Variants in COL19A1 observed in about 807,000 individuals in gnomAD.
The protein encoded by COL19A1 is collagen type XIX alpha 1 chain, also known as collagen alpha-1(XIX) chain.
COL19A1 carries 159 observed loss-of-function variants against 190.2 expected under a neutral mutation model. That is an observed-to-expected ratio of 0.84 (90% confidence interval 0.73 to 0.95). The LOEUF is 0.95. Among genes scored for constraint, COL19A1 ranks in the 40% least tolerant of loss-of-function variants. COL19A1 has a pLI of 0.00. For synonymous variants in COL19A1, 509 were observed against 458.9 expected (o/e 1.11, Z -1.39); for missense variants, 1,418 against 1,431.9 (o/e 0.99, Z 0.16).
chr6:69,997,958 C>G (rs1449682354), intron 11 of COL19A1, among the ~76,000 whole-genome samples: 1 of 151,834 alleles, frequency 6.6e-6, no homozygotes, highest in Non-Finnish European at 1.5e-5. Context: ...CCAAAAAAAA[C>G]AGTAAATTTT....
At chr6:69,868,599 A>C (rs1767628815) in intron 1 of COL19A1, among the ~76,000 whole-genome samples, 1 of 152,212 alleles carries the variant, frequency 6.6e-6, no homozygotes, top group South Asian at 2.1e-4. Flanking sequence ...GTATGGCAAA[A>C]GAGCAGGAAA....
chr6:70,168,309 A>G lies in COL19A1; in HGVS notation c.2541+94A>G, dbSNP rs1428186679. On this transcript the variant is annotated intron_variant, in intron 39 of 50. Coordinates refer to ENST00000620364, the MANE Select transcript of COL19A1 (RefSeq NM_001858.6). Reference sequence around the variant, plus strand: ...ACCTCTTAAGTTCACTGAAAAACGCATGTTATGAATACAGCCAAATTTTAC... The same window carrying G: ...ACCTCTTAAGTTCACTGAAAAACGCGTGTTATGAATACAGCCAAATTTTAC... 5 of 1,329,204 alleles carry G rather than the reference A, an allele frequency of 3.8e-6. No individual in the cohort carries two copies. The South Asian group carries it at 6.6e-5, about 18-fold the overall frequency. The allele number at this position is 1,329,204 out of a possible 1,614,324, so 82.3% of individuals were successfully genotyped here. A position where few individuals can be genotyped will look rare whatever the true frequency, so the allele number is the denominator to read the frequency against.
rs1554189049 is a variant in COL19A1, at chr6:70,016,361, T to TATA, written c.1027-7261_1027-7259dup. 1.0e-4 allele frequency among the ~76,000 whole-genome samples: 6 copies of TATA among 57,402 alleles called. No homozygotes were observed. In the Admixed American group the frequency reaches 1.1e-3, roughly 11 times the overall value. 37.7% of individuals were successfully genotyped at this position (57,402 alleles called of 152,430 possible). A position where few individuals can be genotyped will look rare whatever the true frequency, so the allele number is the denominator to read the frequency against. On this transcript the variant is annotated intron_variant, in intron 11 of 50. Transcript: ENST00000620364. ...TGCACATGTACCCTAAAACTTAGAGTATAATAAAAAAAAAAAAAAAAAACA... is the reference window on the plus strand; with the variant it reads ...TGCACATGTACCCTAAAACTTAGAGTATAATAATAAAAAAAAAAAAAAAAAACA...
intron 14 of COL19A1, among the ~76,000 whole-genome samples, chr6:70,063,776 A>G (rs1780996074): frequency 6.6e-6 from 1 of 152,194 alleles, no homozygotes; most frequent in Non-Finnish European, 1.5e-5. Context: ...TAGATGCAAT[A>G]AAAAATGATA....
intron 11 of COL19A1, among the ~76,000 whole-genome samples, chr6:69,990,310 C>T (rs1028984108): frequency 6.6e-6 from 1 of 152,044 alleles, no homozygotes; most frequent in Admixed American, 6.6e-5. Context: ...AATGATAAGG[C>T]TTTTGTTTTT....
At position 69,892,526 on chromosome 6, in the gene COL19A1, A is replaced by G. The variant is rs1430672503; in HGVS notation, c.92-6422A>G. Among the ~76,000 whole-genome samples, 15 of 152,222 alleles carry G rather than the reference A, an allele frequency of 9.9e-5. 1 individual carries two copies. Among genetic ancestry groups the G allele is most frequent in the Admixed American group, 9.2e-4 (14 of 15,284 alleles). ...CCTGATTATTTGCAAAAATACAGCA[A>G]GTATAATTATTTTTACATAGGTTTT... On this transcript the variant is annotated intron_variant, in intron 2 of 50. Coordinates refer to ENST00000620364, the MANE Select transcript of COL19A1 (RefSeq NM_001858.6).
intron 41 of COL19A1, 37 bp from the exon 42 acceptor site, chr6:70,176,483 A>T: frequency 6.2e-7 from 1 of 1,602,606 alleles, no homozygotes; most frequent in Non-Finnish European, 8.5e-7. Flanking sequence ...GACTTCATTG[A>T]TGTCATTAAA....
At chr6:69,957,592 A>C (rs1461743764) in intron 9 of COL19A1, among the ~76,000 whole-genome samples, 2 of 152,160 alleles carry the variant, frequency 1.3e-5, no homozygotes, top group African/African-American at 4.8e-5. Flanking sequence ...TTTGAAAGTT[A>C]TGGTTTCTAT....
At chr6:70,052,806 A>G (rs1208869231) in intron 14 of COL19A1, among the ~76,000 whole-genome samples, 1 of 152,222 alleles carries the variant, frequency 6.6e-6, no homozygotes, top group African/African-American at 2.4e-5. Context: ...AGTAGAATAT[A>G]TTAGAAGTAG....
intron 14 of COL19A1, among the ~76,000 whole-genome samples, chr6:70,059,603 G>T (rs1780702239): frequency 6.6e-6 from 1 of 152,142 alleles, no homozygotes; most frequent in South Asian, 2.1e-4. Context: ...ACTTAAAATG[G>T]TTAGCTGGCT....
At chr6:70,181,741 G>C (rs1349862704) in intron 44 of COL19A1, among the ~76,000 whole-genome samples, 2 of 151,706 alleles carry the variant, frequency 1.3e-5, no homozygotes, top group Non-Finnish European at 2.9e-5. Context: ...TTCAAATAGT[G>C]GGCTCAGAGA....
intron 4 of COL19A1, among the ~76,000 whole-genome samples, chr6:69,926,008 A>G (rs951340573): frequency 1.3e-5 from 2 of 152,100 alleles, no homozygotes; most frequent in African/African-American, 2.4e-5. Flanking sequence ...GGGTTTTCTA[A>G]ATATACAATC....
intron 14 of COL19A1, among the ~76,000 whole-genome samples, chr6:70,054,792 AT>A (rs1382872354): frequency 6.6e-6 from 1 of 152,202 alleles, no homozygotes; most frequent in East Asian, 1.9e-4. Context: ...TATCAGATGG[AT>A]CAAGATTTTA....
chr6:70,109,621 C>G (rs1284137326), intron 16 of COL19A1, among the ~76,000 whole-genome samples: 1 of 150,650 alleles, frequency 6.6e-6, no homozygotes, highest in Non-Finnish European at 1.5e-5. Flanking sequence ...GATGAAATTA[C>G]TGTTCCTACT....
chr6:70,103,727 T>C (rs1043560505), intron 16 of COL19A1, among the ~76,000 whole-genome samples: 1 of 152,214 alleles, frequency 6.6e-6, no homozygotes, highest in African/African-American at 2.4e-5. Flanking sequence ...CTCTCAGCAT[T>C]TGAGGTTTCC....
intron 9 of COL19A1, among the ~76,000 whole-genome samples, chr6:69,944,849 G>A (rs982398528): frequency 7.9e-5 from 12 of 151,770 alleles, no homozygotes; most frequent in African/African-American, 2.7e-4. Flanking sequence ...CTAATCAAGC[G>A]ATTTTAACCA....
intron 2 of COL19A1, among the ~76,000 whole-genome samples, chr6:69,889,652 C>T (rs2487440): frequency 0.47 from 71,837 of 151,920 alleles, 17,302 homozygotes; most frequent in Middle Eastern, 0.59. Flanking sequence ...CACCAATCAG[C>T]GCTCTGTGTC....
At chr6:70,150,700 C>T (rs1787000614) in intron 30 of COL19A1, among the ~76,000 whole-genome samples, 2 of 152,128 alleles carry the variant, frequency 1.3e-5, no homozygotes, top group African/African-American at 4.8e-5. Flanking sequence ...CTCACAAATC[C>T]TTTCTACCTC....
chr6:70,036,917 GA>G, intron 14 of COL19A1, among the ~76,000 whole-genome samples: 1 of 151,952 alleles, frequency 6.6e-6, no homozygotes, highest in Non-Finnish European at 1.5e-5. Context: ...ATCCCATTAT[GA>G]AAAATACATT....
Sources: allele counts gnomAD v4.1 joint callset (sites outside exome capture counted in the v4.1 genomes callset), GRCh38; gene constraint gnomAD v4.1.1; transcripts MANE v1.5; gene names NCBI Gene and HGNC (gene_info 2026-07-23, HGNC 2026-07-21).